CNOT4: variants seen among roughly 807,000 people sequenced by gnomAD.
CNOT4 encodes the protein CCR4-NOT transcription complex subunit 4, also known as CCR4-associated factor 4.
A neutral mutation model predicts 73.8 loss-of-function variants in CNOT4; 8 were observed. The ratio of observed to expected loss-of-function variants is 0.11; its 90% CI spans 0.06 to 0.20. The LOEUF (loss-of-function observed/expected upper bound fraction) is 0.20, where lower values mean the gene tolerates loss of function less well. Among genes scored for constraint, CNOT4 ranks in the 10% least tolerant of loss-of-function variants. The pLI is 1.00. For missense variants in CNOT4, 564 were observed against 883.4 expected, an observed-to-expected ratio of 0.64 and a Z score of 4.58; for synonymous variants, 293 against 321.1, an observed-to-expected ratio of 0.91 and a Z score of 0.94.
At chr7:135,402,250 C>T (rs775289349) in intron 7 of CNOT4, among the ~76,000 whole-genome samples, 58 of 151,984 alleles carry the variant, frequency 3.8e-4, no homozygotes, top group Non-Finnish European at 5.7e-4. Flanking sequence ...GCTGAGATTA[C>T]GGATGTATGC....
chr7:135,363,891 G>T lies in CNOT4; in HGVS notation c.1803C>A (p.Asp601Glu), dbSNP rs745907506. The T allele has an allele frequency of 1.3e-6, 2 of 1,598,320 alleles. No homozygotes were observed. The highest frequency in any genetic ancestry group is 1.7e-6 in the Non-Finnish European group (2 of 1,179,684). Residue 601 changes from aspartate (D) to glutamate (E), a missense_variant, in exon 11 of 12, where the codon GAC (aspartate) becomes GAA (glutamate). Physicochemically the swap from Asp to Glu is conservative, Grantham distance 45. This residue lies in a region of CNOT4 where 53 missense variants were observed against 75.4 expected (regional missense o/e 0.70). Transcript: ENST00000541284. This position sits in a 1 kb window ranked among gnomAD's most constrained non-coding sequence, Gnocchi z 4.3. Reference sequence around the variant, plus strand: ...CTGGGTCTGTCCAGCTGCCAGGGCTGTCCCAACTCAGGCTGTCGGTGGTGG... The same window carrying T: ...CTGGGTCTGTCCAGCTGCCAGGGCTTTCCCAACTCAGGCTGTCGGTGGTGG... ...NTATTDSLSW[D>E]SPGSWTDPAI...
chr7:135,412,592 G>A (rs906814443), intron 6 of CNOT4, among the ~76,000 whole-genome samples: 1 of 151,868 alleles, frequency 6.6e-6, no homozygotes, highest in Admixed American at 6.6e-5. Flanking sequence ...AAACTCTGAT[G>A]TATTTATTAT....
At chr7:135,502,163 A>G (rs1804016670) in intron 1 of CNOT4, among the ~76,000 whole-genome samples, 1 of 152,230 alleles carries the variant, frequency 6.6e-6, no homozygotes, top group Non-Finnish European at 1.5e-5. Flanking sequence ...TCTGTCGATT[A>G]TAATTATCCA....
intron 1 of CNOT4, among the ~76,000 whole-genome samples, chr7:135,459,914 T>C (rs2696884): frequency 0.63 from 95,108 of 152,096 alleles, 29,940 homozygotes; most frequent in East Asian, 0.76. Flanking sequence ...CTAGATCTTC[T>C]GGACAACTGA....
At chr7:135,442,622 A>T (rs1799553528) in intron 1 of CNOT4, among the ~76,000 whole-genome samples, 2 of 152,180 alleles carry the variant, frequency 1.3e-5, no homozygotes, top group South Asian at 4.1e-4. Context: ...AGTAAAATAA[A>T]ATAAAACAAT....
chr7:135,447,186 G>A lies in CNOT4; in HGVS notation c.-92-8763C>T, dbSNP rs1317647931. 2.1e-4 allele frequency among the ~76,000 whole-genome samples: 22 copies of A among 106,702 alleles called. 6 individuals carry two copies. Among genetic ancestry groups the A allele is most frequent in the Non-Finnish European group, 4.1e-4 (17 of 41,200 alleles). 70.0% of individuals were successfully genotyped at this position (106,702 alleles called of 152,430 possible). ...GCACTTTAAGTTGTCCATTGTTTCTGTATTAGACACATTTCACAAAGCATG... is the reference window on the plus strand; with the variant it reads ...GCACTTTAAGTTGTCCATTGTTTCTATATTAGACACATTTCACAAAGCATG... On this transcript the variant is annotated intron_variant, in intron 1 of 11. Transcript: ENST00000541284.
At chr7:135,451,106 T>C (rs1052181068) in intron 1 of CNOT4, among the ~76,000 whole-genome samples, 1 of 152,088 alleles carries the variant, frequency 6.6e-6, no homozygotes, top group Non-Finnish European at 1.5e-5. Flanking sequence ...TCTGCATGAG[T>C]AGAAGCAATT....
In CNOT4 at chr7:135,384,385, C is replaced by T. The variant is rs191598213; in HGVS notation, c.1627+9533G>A. On this transcript the variant is annotated intron_variant, in intron 10 of 11. Transcript: ENST00000541284. Reference sequence around the variant, plus strand: ...CTGCAAGCTCCACCTCCTGGGTTCGCGCCATTCTCCTGCCTCAGCCTCCCG... The same window carrying T: ...CTGCAAGCTCCACCTCCTGGGTTCGTGCCATTCTCCTGCCTCAGCCTCCCG... The T allele has an allele frequency of 7.3e-3, 2,295 of 312,766 alleles. 15 individuals carry two copies. Among genetic ancestry groups the T allele is most frequent in the Middle Eastern group, 0.011 (11 of 1,018 alleles). 19.4% of individuals were successfully genotyped at this position (312,766 alleles called of 1,614,324 possible). A position where few individuals can be genotyped will look rare whatever the true frequency, so the allele number is the denominator to read the frequency against.
chr7:135,501,594 T>G (rs373180957), intron 1 of CNOT4, among the ~76,000 whole-genome samples: 1 of 152,212 alleles, frequency 6.6e-6, no homozygotes, highest in Non-Finnish European at 1.5e-5. Flanking sequence ...CTGCACACTA[T>G]TGAACGAGTA....
chr7:135,381,505 G>T (rs904277863), intron 10 of CNOT4, among the ~76,000 whole-genome samples: 1 of 152,192 alleles, frequency 6.6e-6, no homozygotes, highest in Non-Finnish European at 1.5e-5. Flanking sequence ...TTTTAAAAGG[G>T]TGTATACAAG....
intron 10 of CNOT4, among the ~76,000 whole-genome samples, chr7:135,365,690 G>C (rs138753986): frequency 6.6e-6 from 1 of 152,278 alleles, no homozygotes; most frequent in Non-Finnish European, 1.5e-5. Flanking sequence ...GGAAAGCCCA[G>C]GGGAAGACCC....
intron 2 of CNOT4, among the ~76,000 whole-genome samples, chr7:135,431,530 T>A (rs1374959719): frequency 6.6e-6 from 1 of 151,950 alleles, no homozygotes; most frequent in Non-Finnish European, 1.5e-5. Context: ...GATCACGAGG[T>A]CAGGAGATTG....
In CNOT4 at chr7:135,372,818, G is replaced by T. The variant is rs1262508776; in HGVS notation, c.1628-8752C>A. Reference sequence around the variant, plus strand: ...GATCCACCAGCCTCAGCCTCCCAAAGTGCTGGGATTACAGGCGTGAGCCAC... The same window carrying T: ...GATCCACCAGCCTCAGCCTCCCAAATTGCTGGGATTACAGGCGTGAGCCAC... On this transcript the variant is annotated intron_variant, in intron 10 of 11. Transcript: ENST00000541284. Among the ~76,000 whole-genome samples the T allele has an allele frequency of 2.6e-5, 4 of 152,196 alleles. No homozygotes were observed. In the East Asian group the frequency reaches 7.7e-4, roughly 29 times the overall value.
chr7:135,427,791 A>G (rs756699404), intron 2 of CNOT4, among the ~76,000 whole-genome samples: 15 of 152,338 alleles, frequency 9.8e-5, no homozygotes, highest in South Asian at 4.1e-4. Flanking sequence ...TAACATCCTA[A>G]AAATCTATAC....
intron 7 of CNOT4, among the ~76,000 whole-genome samples, chr7:135,403,602 AAAAATAAAAAAAT>A (rs1246728184): frequency 2.0e-5 from 3 of 152,168 alleles, no homozygotes; most frequent in African/African-American, 7.2e-5. Context: ...GAATAAATTA[AAAAATAAAAAAAT>A]AAAATAAAAA....
At chr7:135,367,152 A>C (rs370898755) in intron 10 of CNOT4, among the ~76,000 whole-genome samples, 13 of 152,246 alleles carry the variant, frequency 8.5e-5, no homozygotes, top group African/African-American at 2.9e-4. Context: ...TTAGACGTTG[A>C]AAATGTCTTC....
intron 1 of CNOT4, among the ~76,000 whole-genome samples, chr7:135,450,300 G>A (rs1167835620): frequency 1.3e-5 from 2 of 152,092 alleles, no homozygotes; most frequent in African/African-American, 2.4e-5. Flanking sequence ...AATAATCCAG[G>A]AGGACAGTCA....
chr7:135,487,460 G>C (rs1802803751), intron 1 of CNOT4, among the ~76,000 whole-genome samples: 1 of 151,832 alleles, frequency 6.6e-6, no homozygotes, highest in Admixed American at 6.6e-5. Flanking sequence ...GGCTTGTCTG[G>C]AACTCCTAGG....
intron 7 of CNOT4, among the ~76,000 whole-genome samples, chr7:135,404,732 A>C (rs1041091566): frequency 1.3e-5 from 2 of 152,164 alleles, no homozygotes; most frequent in African/African-American, 4.8e-5. Flanking sequence ...TTTTTATTTT[A>C]AAAGATGTAT....
Sources: gnomAD v4.1 joint callset for allele counts (sites outside exome capture counted in the v4.1 genomes callset) on GRCh38, gnomAD v4.1.1 for gene constraint, gnomAD v4.1.1 regional missense constraint, Gnocchi (gnomAD v3.1) non-coding constraint, MANE v1.5 for transcripts, NCBI Gene and HGNC (gene_info 2026-07-23, HGNC 2026-07-21) for gene names.